ENOX2: variants seen among roughly 807,000 people sequenced by gnomAD.
ENOX2 encodes APK1 antigen.
In ENOX2, 36 loss-of-function variants were observed where a neutral mutation model predicts 45.0. That is an observed-to-expected ratio of 0.80 (90% CI 0.61 to 1.06). The LOEUF is 1.06. Ranked by LOEUF, ENOX2 falls within the 50% of genes least tolerant of loss-of-function variation. ENOX2 has a pLI of 0.00. For missense variants in ENOX2, 423 were observed against 462.5 expected (o/e 0.91, Z 0.78); for synonymous variants, 174 against 152.3 (o/e 1.14, Z -1.05).
At chrX:130,789,461 G>C (rs1359083215) in intron 2 of ENOX2, among the ~76,000 whole-genome samples, 2 of 111,864 alleles carry the variant, frequency 1.8e-5, no homozygotes, top group African/African-American at 3.3e-5. Context: ...TGCAGCTGTG[G>C]CTCAGAGACT....
At chrX:130,898,879 T>C (rs1474479075) in intron 2 of ENOX2, among the ~76,000 whole-genome samples, 1 of 110,896 alleles carries the variant, frequency 9.0e-6, no homozygotes, top group African/African-American at 3.3e-5. Context: ...AGCTGTATTC[T>C]ATTAAGGTTT....
chrX:130,780,334 T>C (rs1044461652), intron 3 of ENOX2, among the ~76,000 whole-genome samples: 2 of 111,971 alleles, frequency 1.8e-5, no homozygotes, highest in Non-Finnish European at 3.8e-5. Flanking sequence ...TGGTTCTAGA[T>C]TCCTAATAAC....
intron 5 of ENOX2, 60 bp from the exon 6 acceptor site, chrX:130,679,808 G>T: frequency 1.1e-6 from 1 of 911,182 alleles, no homozygotes; most frequent in Non-Finnish European, 1.6e-6. Flanking sequence ...AGACCTCTTC[G>T]AAATCTAACA....
chrX:130,855,194 A>G (rs1360668639), intron 2 of ENOX2, among the ~76,000 whole-genome samples: 2 of 111,880 alleles, frequency 1.8e-5, no homozygotes, highest in Middle Eastern at 4.3e-3. Flanking sequence ...GCAAGGTGAG[A>G]GGCTATAATT....
At chrX:130,645,706 C>T in intron 10 of ENOX2, 1 of 670,993 alleles carries the variant, frequency 1.5e-6, no homozygotes, top group South Asian at 2.7e-5. Context: ...GCAGCCGCGC[C>T]CCACATCCAC....
intron 3 of ENOX2, among the ~76,000 whole-genome samples, chrX:130,781,625 C>G (rs1183424950): frequency 1.8e-5 from 2 of 111,919 alleles, no homozygotes; most frequent in Non-Finnish European, 3.8e-5. Context: ...AATGGAAAAA[C>G]TAGTAGGTGA....
intron 2 of ENOX2, among the ~76,000 whole-genome samples, chrX:130,894,770 C>A (rs2079034674): frequency 9.0e-6 from 1 of 111,159 alleles, no homozygotes; most frequent in Non-Finnish European, 1.9e-5. Context: ...TTTCCAGACT[C>A]TTATCCTGTC....
chrX:130,813,261 G>A (rs1006950682), intron 2 of ENOX2, among the ~76,000 whole-genome samples: 7 of 111,893 alleles, frequency 6.3e-5, no homozygotes, highest in Admixed American at 4.7e-4. Context: ...TTCAACAAAC[G>A]TGCCAAGAAC....
intron 2 of ENOX2, among the ~76,000 whole-genome samples, chrX:130,857,882 T>C (rs1384803850): frequency 1.8e-5 from 2 of 111,684 alleles, no homozygotes; most frequent in Non-Finnish European, 3.8e-5. Flanking sequence ...GTCTCAAATA[T>C]AGAATTTTTT....
At chrX:130,870,961 A>C (rs768568326) in intron 2 of ENOX2, among the ~76,000 whole-genome samples, 1 of 108,495 alleles carries the variant, frequency 9.2e-6, no homozygotes, top group Admixed American at 9.9e-5. Flanking sequence ...AGAGAGAGAG[A>C]GCTTCTATAT....
chrX:130,733,516 A>G (rs937466371), intron 3 of ENOX2, among the ~76,000 whole-genome samples: 17 of 112,312 alleles, frequency 1.5e-4, no homozygotes, highest in African/African-American at 5.5e-4. Flanking sequence ...CTTGTACATA[A>G]ATGTATATAA....
intron 2 of ENOX2, among the ~76,000 whole-genome samples, chrX:130,888,611 T>C (rs1482852930): frequency 8.9e-6 from 1 of 112,213 alleles, no homozygotes; most frequent in African/African-American, 3.2e-5. Flanking sequence ...TTGTATGGGA[T>C]TATTACTACC....
At chrX:130,889,468 C>A (rs2078953737) in intron 2 of ENOX2, among the ~76,000 whole-genome samples, 1 of 111,254 alleles carries the variant, frequency 9.0e-6, no homozygotes, top group Non-Finnish European at 1.9e-5. Context: ...AATATATATC[C>A]AAAATCTATG....
chrX:130,842,424 T>G lies in ENOX2; in HGVS notation c.-182-58734A>C, dbSNP rs773442783. Among the ~76,000 whole-genome samples the G allele has an allele frequency of 1.6e-4, 18 of 112,055 alleles. No individual in the cohort carries two copies. The South Asian group carries it at 6.0e-3, about 38-fold the overall frequency. On this transcript the variant is annotated intron_variant, in intron 2 of 14. Coordinates refer to ENST00000394363, the MANE Select transcript of ENOX2 (RefSeq NM_006375.4). ...AGAAAATACCAAAAGAAACTCTTAA[T>G]GCCCTATCCATCCTTAAACGAACCA...
chrX:130,857,651 TAATA>T (rs2078334006), intron 2 of ENOX2, among the ~76,000 whole-genome samples: 2 of 111,376 alleles, frequency 1.8e-5, no homozygotes, highest in Non-Finnish European at 3.8e-5. Context: ...TACACACAAA[TAATA>T]AATAAGAGAA....
chrX:130,715,697 T>C (rs1033965963), intron 3 of ENOX2, among the ~76,000 whole-genome samples: 1 of 110,997 alleles, frequency 9.0e-6, no homozygotes, highest in African/African-American at 3.3e-5. Flanking sequence ...ACAAGTAGGG[T>C]TATAACAGTG....
intron 5 of ENOX2, among the ~76,000 whole-genome samples, chrX:130,685,606 C>T (rs1173152845): frequency 2.7e-5 from 3 of 112,245 alleles, no homozygotes; most frequent in Non-Finnish European, 3.8e-5. Context: ...ACAGATTAAA[C>T]GCACTGTGTG....
intron 10 of ENOX2, among the ~76,000 whole-genome samples, chrX:130,652,946 CA>C (rs1290758098): frequency 8.9e-6 from 1 of 112,235 alleles, no homozygotes; most frequent in Non-Finnish European, 1.9e-5. Flanking sequence ...TTCTAGCTTC[CA>C]GAACTGTGAG....
Position 130,679,714 on chromosome X carries a change from T to G in ENOX2, c.288A>C (p.Pro96=), listed in dbSNP as rs2037250672. Residue 96 remains proline, a synonymous_variant, in exon 6 of 15, where the codon CCA becomes CCC. Transcript: ENST00000394363. The stretch of plus-strand genomic sequence containing the variant: ...CACCCACAAATACTGTTTTGCATCC[T>G]GGTGGTCTTTCTCGGGTTGCAGGAG... The part of the protein sequence containing the change: ...LPPPATRERP[P]GCKTVFVGGL... 8.3e-7 allele frequency: 1 copy of G among 1,209,763 alleles called. No individual in the cohort carries two copies. Among genetic ancestry groups the G allele is most frequent in the African/African-American group, 1.7e-5 (1 of 57,330 alleles).
Sources: gnomAD v4.1 joint callset for allele counts (sites outside exome capture counted in the v4.1 genomes callset) on GRCh38, gnomAD v4.1.1 for gene constraint, MANE v1.5 for transcripts, NCBI Gene and HGNC (gene_info 2026-07-23, HGNC 2026-07-21) for gene names.